The following ENTPD1 variants were observed in gnomAD, a reference collection of about 807,000 sequenced individuals.
The protein encoded by ENTPD1 is ectonucleoside triphosphate diphosphohydrolase 1.
In ENTPD1, 33 loss-of-function variants were observed where a neutral mutation model predicts 57.0. The ratio of observed to expected loss-of-function variants is 0.58; its 90% CI spans 0.44 to 0.77. ENTPD1 has a LOEUF of 0.77. Among genes scored for constraint, ENTPD1 ranks in the 30% least tolerant of loss-of-function variants. The pLI, the probability that ENTPD1 is intolerant of heterozygous loss-of-function variation, is 0.00. For synonymous variants in ENTPD1, 202 were observed against 218.8 expected (o/e 0.92, Z 0.68); for missense variants, 501 against 603.4 (o/e 0.83, Z 1.78).
chr10:95,820,789 G>T (rs544298777), intron 1 of ENTPD1, among the ~76,000 whole-genome samples: 1 of 152,082 alleles, frequency 6.6e-6, no homozygotes, highest in Non-Finnish European at 1.5e-5. Context: ...CTATTTATGT[G>T]CTTCTTTTCT....
At chr10:95,854,170 T>G (rs2098450303) in intron 7 of ENTPD1, among the ~76,000 whole-genome samples, 1 of 152,230 alleles carries the variant, frequency 6.6e-6, no homozygotes, top group African/African-American at 2.4e-5. Flanking sequence ...GGAGGGTGTG[T>G]GTGTCGAGGA....
At chr10:95,760,814 C>CTTTTTTGTTTTTTTTTT (rs2098055806) in intron 1 of ENTPD1, among the ~76,000 whole-genome samples, 1 of 62,972 alleles carries the variant, frequency 1.6e-5, no homozygotes, top group Non-Finnish European at 2.8e-5. Context: ...AGAGTTTATT[C>CTTTTTTGTTTTTTTTTT]TTTTTTTTTT....
intron 1 of ENTPD1, among the ~76,000 whole-genome samples, chr10:95,807,516 C>G (rs1392990687): frequency 1.3e-5 from 2 of 152,216 alleles, no homozygotes; most frequent in Non-Finnish European, 2.9e-5. Flanking sequence ...TGGGCTGCAC[C>G]CGTTGTCCAA....
At chr10:95,729,936 T>C (rs1241384495) in intron 1 of ENTPD1, among the ~76,000 whole-genome samples, 4 of 152,232 alleles carry the variant, frequency 2.6e-5, no homozygotes, top group East Asian at 1.9e-4. Context: ...TCCTGATTTG[T>C]AGCAAGTCAG....
intron 7 of ENTPD1, among the ~76,000 whole-genome samples, chr10:95,854,961 T>G (rs932019744): frequency 1.8e-4 from 27 of 152,306 alleles, no homozygotes; most frequent in Admixed American, 1.4e-3. Flanking sequence ...GTCCACTTGG[T>G]GCAGAGCTGA....
At chr10:95,701,580 A>G in the ENTPD1 span, among the ~76,000 whole-genome samples, 3 of 152,216 alleles carry the variant, frequency 2.0e-5, no homozygotes, top group Non-Finnish European at 1.5e-5. Context: ...AAAATTCTCA[A>G]TTTATCTATA....
chr10:95,794,181 T>C (rs1440170077), intron 1 of ENTPD1, among the ~76,000 whole-genome samples: 3 of 152,172 alleles, frequency 2.0e-5, no homozygotes, highest in Admixed American at 6.6e-5. Flanking sequence ...AAAGATGATT[T>C]GGCTACTACA....
intron 3 of ENTPD1, among the ~76,000 whole-genome samples, chr10:95,840,564 A>C (rs2098420283): frequency 6.6e-6 from 1 of 152,202 alleles, no homozygotes; most frequent in South Asian, 2.1e-4. Flanking sequence ...TTTCACAGAG[A>C]AGGAAACAAA....
At chr10:95,782,934 G>A (rs1051075536) in intron 1 of ENTPD1, among the ~76,000 whole-genome samples, 1 of 152,096 alleles carries the variant, frequency 6.6e-6, no homozygotes, top group Non-Finnish European at 1.5e-5. Context: ...AGAAGGCTTG[G>A]TTGAATTTTA....
At chr10:95,734,385 A>C (rs1157593737) in intron 1 of ENTPD1, among the ~76,000 whole-genome samples, 1 of 152,202 alleles carries the variant, frequency 6.6e-6, no homozygotes, top group Non-Finnish European at 1.5e-5. Flanking sequence ...ATTAAGATGG[A>C]ACTTGCTCCA....
In ENTPD1 at chr10:95,872,121, C is replaced by T. The variant is rs993102544; in HGVS notation, c.*5738C>T. On this transcript the variant is annotated 3_prime_UTR_variant, in exon 10 of 10. Transcript: ENST00000371205. ...TCCTTCTAATATTACTGTTATTGCT[C>T]CAGTAAAGAGCTGTAATATATTTTA... The T allele has an allele frequency of 7.1e-6, 7 of 985,202 alleles. No individual in the cohort carries two copies. The African/African-American group carries it at 8.7e-5, about 12-fold the overall frequency. The allele number at this position is 985,202 out of a possible 1,614,324, so 61.0% of individuals were successfully genotyped here.
At position 95,868,224 on chromosome 10, in the gene ENTPD1, C is replaced by T; in HGVS notation, c.*1841C>T. 1 of 985,460 alleles carries T rather than the reference C, an allele frequency of 1.0e-6. No homozygotes were observed. Among genetic ancestry groups the T allele is most frequent in the Non-Finnish European group, 1.2e-6 (1 of 829,932 alleles). The allele number at this position is 985,460 out of a possible 1,614,324, so 61.0% of individuals were successfully genotyped here. A position where few individuals can be genotyped will look rare whatever the true frequency, so the allele number is the denominator to read the frequency against. On this transcript the variant is annotated 3_prime_UTR_variant, in exon 10 of 10. Transcript: ENST00000371205. ...GAGCCAAAGCCTACCATGTACCTAACCTTTATTTTCTTTCCCGAACATACC... is the reference window on the plus strand; with the variant it reads ...GAGCCAAAGCCTACCATGTACCTAATCTTTATTTTCTTTCCCGAACATACC...
the ENTPD1 span, among the ~76,000 whole-genome samples, chr10:95,698,094 A>G: frequency 1.3e-5 from 2 of 152,332 alleles, no homozygotes; most frequent in Admixed American, 6.5e-5. Context: ...AGAAATATGG[A>G]CAGTAAAGGC....
chr10:95,860,640 C>G (rs2098463824), intron 8 of ENTPD1, 58 bp downstream of exon 8: 2 of 1,459,928 alleles, frequency 1.4e-6, no homozygotes, highest in East Asian at 4.7e-5. Flanking sequence ...GTTGCTGATG[C>G]AGAGGATGTG....
rs767571303 is a variant in ENTPD1, at chr10:95,847,642, A to G, written c.1010A>G (p.Tyr337Cys). ...ATCCTGGAGCTCTTCAACACCAGTT[A>G]CTGCCCTTACTCCCAGTGTGCCTTC... ...QSILELFNTS[Y>C]CPYSQCAFNG... Residue 337 changes from tyrosine to cysteine, a missense_variant, in exon 7 of 10, where the codon TAC becomes TGC. Physicochemically the swap from Tyr to Cys is radical, Grantham distance 194. Coordinates refer to ENST00000371205, the MANE Select transcript of ENTPD1 (RefSeq NM_001776.6). 51 of 1,614,210 alleles carry G rather than the reference A, an allele frequency of 3.2e-5. No individual in the cohort carries two copies. In the South Asian group the frequency reaches 5.6e-4, roughly 18 times the overall value.
intron 1 of ENTPD1, among the ~76,000 whole-genome samples, chr10:95,796,989 C>G (rs760708159): frequency 5.9e-5 from 9 of 152,090 alleles, no homozygotes; most frequent in Non-Finnish European, 1.3e-4. Flanking sequence ...AGGAGAATCA[C>G]TTGAGTCCAG....
At chr10:95,856,233 T>G (rs943905748) in intron 7 of ENTPD1, among the ~76,000 whole-genome samples, 2 of 152,076 alleles carry the variant, frequency 1.3e-5, no homozygotes, top group African/African-American at 4.8e-5. Context: ...CCAACAAACA[T>G]GAAAAAATGC....
intron 7 of ENTPD1, among the ~76,000 whole-genome samples, chr10:95,858,171 A>AT (rs2098458862): frequency 6.6e-6 from 1 of 151,802 alleles, no homozygotes; most frequent in South Asian, 2.1e-4. Flanking sequence ...AAAAAAAAAA[A>AT]AGTAACTGCT....
intron 1 of ENTPD1, among the ~76,000 whole-genome samples, chr10:95,724,620 G>A (rs548331495): frequency 3.9e-5 from 6 of 152,330 alleles, no homozygotes; most frequent in African/African-American, 7.2e-5. Context: ...GAACAATGGC[G>A]AGCCTTTAGC....
Sources: allele counts gnomAD v4.1 joint callset (sites outside exome capture counted in the v4.1 genomes callset), GRCh38; gene constraint gnomAD v4.1.1; transcripts MANE v1.5; gene names NCBI Gene and HGNC (gene_info 2026-07-23, HGNC 2026-07-21).